DOCK10: variants seen among roughly 807,000 people sequenced by gnomAD.
DOCK10 encodes the protein dedicator of cytokinesis 10.
Under a neutral mutation model 280.1 loss-of-function variants are expected in DOCK10, and 145 were observed. That is an observed-to-expected ratio of 0.52 (90% CI 0.45 to 0.59). The LOEUF (loss-of-function observed/expected upper bound fraction) is 0.59. Ranked by LOEUF, DOCK10 falls within the 20% of genes least tolerant of loss-of-function variation. The pLI, the probability that DOCK10 is intolerant of heterozygous loss-of-function variation, is 0.00. For missense variants in DOCK10, 2,368 were observed against 2,651.7 expected (o/e 0.89, Z 2.35); for synonymous variants, 915 against 942.2 (o/e 0.97, Z 0.53).
chr2:224,813,509 C>T (rs553793322), intron 31 of DOCK10, among the ~76,000 whole-genome samples: 1 of 152,216 alleles, frequency 6.6e-6, no homozygotes, highest in South Asian at 2.1e-4. Context: ...GTCAATTTTA[C>T]CTCAATAAGG....
rs1173490313 is a variant in DOCK10, at chr2:224,808,672, T to C, written c.3410-586A>G. On this transcript the variant is annotated intron_variant, in intron 31 of 55. Transcript: ENST00000258390. ...GGCTTGAGAGGCTGGGGCTAGATGA[T>C]GGAGAACAGTACAATTTCCTTAGCT... 5.9e-5 allele frequency among the ~76,000 whole-genome samples: 9 copies of C among 152,136 alleles called. No homozygotes were observed. In the East Asian group the frequency reaches 1.7e-3, roughly 29 times the overall value.
chr2:224,783,641 G>T (rs1482265923), intron 50 of DOCK10, among the ~76,000 whole-genome samples: 1 of 151,926 alleles, frequency 6.6e-6, no homozygotes, highest in East Asian at 1.9e-4. Context: ...TGTAAAATCA[G>T]CACACTTTAC....
At chr2:224,904,235 A>G (rs1264044457) in intron 3 of DOCK10, among the ~76,000 whole-genome samples, 1 of 152,150 alleles carries the variant, frequency 6.6e-6, no homozygotes, top group Non-Finnish European at 1.5e-5. Context: ...AAAAGTACAC[A>G]CCCAATAAAA....
chr2:224,896,443 G>T (rs75823398), intron 3 of DOCK10, 66 bp from the exon 4 acceptor site: 16 of 1,032,314 alleles, frequency 1.5e-5, no homozygotes, highest in African/African-American at 3.3e-5. Context: ...GCGCGGTGGC[G>T]CTTGCCTGTA....
chr2:224,859,732 A>G (rs889862613), intron 14 of DOCK10, among the ~76,000 whole-genome samples: 2 of 152,224 alleles, frequency 1.3e-5, no homozygotes, highest in African/African-American at 2.4e-5. Context: ...ACTGCGAAAC[A>G]AACTGCAATC....
In DOCK10 at chr2:224,787,005, A is replaced by G. The variant is rs776054934; in HGVS notation, c.5655+17T>C. ...CTCAGCAGAATTTATGGGCCGTGTT[A>G]TTTCTGGTGAACTTACCTGCCCATA... On this transcript the variant is annotated intron_variant, in intron 50 of 55. Transcript: ENST00000258390. 2.7e-5 allele frequency: 42 copies of G among 1,584,538 alleles called. No individual in the cohort carries two copies. Among genetic ancestry groups the G allele is most frequent in the Non-Finnish European group, 3.6e-5 (41 of 1,153,204 alleles).
At chr2:224,858,037 G>A (rs1697259327) in intron 14 of DOCK10, among the ~76,000 whole-genome samples, 1 of 151,898 alleles carries the variant, frequency 6.6e-6, no homozygotes, top group Non-Finnish European at 1.5e-5. Context: ...ATAACGTTGG[G>A]GAGACAGAAT....
intron 1 of DOCK10, among the ~76,000 whole-genome samples, chr2:225,003,397 T>G (rs1257510229): frequency 6.6e-6 from 1 of 152,200 alleles, no homozygotes; most frequent in Non-Finnish European, 1.5e-5. Flanking sequence ...ATGGAGATCC[T>G]AAGTTCACTG....
In DOCK10 at chr2:225,035,552, A is replaced by ATTATATATATATATATAT. The variant is rs1553634865; in HGVS notation, c.123+6699_123+6700insATATATATATATATATAA. ...ATGATATGATATATATTATATATAT[A>ATTATATATATATATATAT]TATATATATATATATATATATATAT... On this transcript the variant is annotated intron_variant, in intron 1 of 55. Coordinates refer to ENST00000258390, the MANE Select transcript of DOCK10 (RefSeq NM_014689.3). 1.4e-4 allele frequency among the ~76,000 whole-genome samples: 3 copies of ATTATATATATATATATAT among 20,876 alleles called. No individual in the cohort carries two copies. The East Asian group carries it at 6.4e-3, about 44-fold the overall frequency. The allele number at this position is 20,876 out of a possible 152,430, so 13.7% of individuals were successfully genotyped here. A position where few individuals can be genotyped will look rare whatever the true frequency, so the allele number is the denominator to read the frequency against.
chr2:224,836,712 G>T (rs560114546), intron 25 of DOCK10, among the ~76,000 whole-genome samples: 1 of 151,894 alleles, frequency 6.6e-6, no homozygotes, highest in African/African-American at 2.4e-5. Context: ...CCATTCTGCA[G>T]CCTCAGCCTC....
chr2:225,035,572 A>ATATATATTATATATATATATATATATAT (rs1553634955), intron 1 of DOCK10, among the ~76,000 whole-genome samples: 1 of 69,960 alleles, frequency 1.4e-5, no homozygotes, highest in Non-Finnish European at 2.9e-5. Context: ...ATATATATAT[A>ATATATATTATATATATATATATATATAT]TATATATATA....
chr2:224,834,246 C>G lies in DOCK10; in HGVS notation c.2868G>C (p.Arg956Ser). The G allele has an allele frequency of 6.2e-7, 1 of 1,608,562 alleles. No individual in the cohort carries two copies. The highest frequency in any genetic ancestry group is 8.5e-7 in the Non-Finnish European group (1 of 1,176,150). The change falls in exon 26 of 56, where the codon AGG becomes AGC. Residue 956 changes from arginine (R) to serine (S), a missense_variant. This residue lies in a region of DOCK10 where 1,209 missense variants were observed against 1,250.9 expected (regional missense o/e 0.97). Transcript: ENST00000258390. ...QSYIKFVFKT[R>S]ACKERTVHEE... ...CATGTACAGTCCTCTCCTTGCATGC[C>G]CTGGTCTTGAACACGAACTGAAGAA...
At chr2:224,827,745 C>T (rs1287040039) in intron 27 of DOCK10, among the ~76,000 whole-genome samples, 1 of 152,200 alleles carries the variant, frequency 6.6e-6, no homozygotes, top group Non-Finnish European at 1.5e-5. Context: ...AGGTAGGAGG[C>T]TCTCATCTCC....
At chr2:224,962,795 CATT>C (rs1704524292) in intron 1 of DOCK10, among the ~76,000 whole-genome samples, 1 of 152,146 alleles carries the variant, frequency 6.6e-6, no homozygotes, top group African/African-American at 2.4e-5. Context: ...GGATTGCAGA[CATT>C]ATAGTTCTCA....
At chr2:224,810,418 C>G (rs890251982) in intron 31 of DOCK10, among the ~76,000 whole-genome samples, 1 of 151,946 alleles carries the variant, frequency 6.6e-6, no homozygotes, top group African/African-American at 2.4e-5. Context: ...AGGTCAAATA[C>G]GTAGCATAGT....
chr2:224,909,579 A>C (rs1181749192), intron 3 of DOCK10, among the ~76,000 whole-genome samples: 2 of 152,232 alleles, frequency 1.3e-5, no homozygotes, highest in African/African-American at 4.8e-5. Context: ...AAAGGATCAG[A>C]GACAATAAAA....
Position 225,017,429 on chromosome 2 carries a change from TGAGAGA to T in DOCK10, c.123+24817_123+24822del, listed in dbSNP as rs71062970. Among the ~76,000 whole-genome samples, 274 of 147,250 alleles carry T rather than the reference TGAGAGA, an allele frequency of 1.9e-3. 1 individual carries two copies. The highest frequency in any genetic ancestry group is 6.3e-3 in the African/African-American group (249 of 39,392). ...AAGAGAGAAAGAGACAGACAGAGAT[TGAGAGA>T]GAGAGAGAGAGAGAGAGAGCAAGAG... On this transcript the variant is annotated intron_variant, in intron 1 of 55. Coordinates refer to ENST00000258390, the MANE Select transcript of DOCK10 (RefSeq NM_014689.3).
At chr2:224,815,864 C>T (rs911463303) in intron 30 of DOCK10, among the ~76,000 whole-genome samples, 1 of 152,042 alleles carries the variant, frequency 6.6e-6, no homozygotes, top group Non-Finnish European at 1.5e-5. Context: ...GGTGAAACCT[C>T]TTCTCTACTA....
At chr2:224,926,999 A>G (rs1349519866) in intron 2 of DOCK10, among the ~76,000 whole-genome samples, 2 of 152,178 alleles carry the variant, frequency 1.3e-5, no homozygotes, top group East Asian at 1.9e-4. Context: ...GCAAACCAAG[A>G]TATTTCCCAG....
Sources: gnomAD v4.1 joint callset for allele counts (sites outside exome capture counted in the v4.1 genomes callset) on GRCh38, gnomAD v4.1.1 for gene constraint, gnomAD v4.1.1 regional missense constraint, MANE v1.5 for transcripts, NCBI Gene and HGNC (gene_info 2026-07-23, HGNC 2026-07-21) for gene names.